Variants in GPHN observed in about 807,000 individuals in gnomAD.
The protein encoded by GPHN is gephyrin.
GPHN carries 17 observed loss-of-function variants against 95.5 expected under a neutral mutation model. The observed-to-expected ratio is 0.18, with a 90% CI of 0.12 to 0.27. GPHN has a LOEUF of 0.27. Ranked by LOEUF, GPHN falls within the 10% of genes least tolerant of loss-of-function variation. The pLI is 1.00. For missense variants in GPHN, 660 were observed against 978.1 expected (o/e 0.67, Z 4.34); for synonymous variants, 320 against 322.5 (o/e 0.99, Z 0.08).
intron 5 of GPHN, among the ~76,000 whole-genome samples, chr14:66,914,522 C>T (rs1183053766): frequency 6.6e-6 from 1 of 151,980 alleles, no homozygotes; most frequent in Non-Finnish European, 1.5e-5. Context: ...TTGTAGGTAA[C>T]TATATTTGTC....
intron 10 of GPHN, among the ~76,000 whole-genome samples, chr14:67,026,176 TGTG>T (rs1424532036): frequency 1.3e-5 from 2 of 152,162 alleles, no homozygotes; most frequent in South Asian, 4.1e-4. Flanking sequence ...ATCTGTAAAA[TGTG>T]GTAATAACTT....
At chr14:66,932,034 A>T (rs933751321) in intron 8 of GPHN, among the ~76,000 whole-genome samples, 5 of 152,146 alleles carry the variant, frequency 3.3e-5, no homozygotes, top group African/African-American at 1.2e-4. Flanking sequence ...AAATGTTGTG[A>T]TCTAAGTCTG....
the GPHN span, among the ~76,000 whole-genome samples, chr14:67,224,259 CTTTTTTTTT>C: frequency 4.3e-4 from 58 of 134,808 alleles, no homozygotes; most frequent in African/African-American, 1.2e-3. Flanking sequence ...TCTCTCTTTT[CTTTTTTTTT>C]TTTTTTTTGA....
At chr14:67,542,067 G>A in the GPHN span, 33 of 1,362,046 alleles carry the variant, frequency 2.4e-5, no homozygotes, top group Middle Eastern at 6.9e-4. Context: ...GTGAGAGAGG[G>A]AGAGTTGCGG....
Position 66,508,328 on chromosome 14 carries a change from G to T in GPHN, c.-200G>T. ...GCGCCCTGACTCCTTCCCCTCCCGC[G>T]GACCCGCGCACTCCCGGCGCGGCCT... On this transcript the variant is annotated 5_prime_UTR_variant, in exon 1 of 23. Coordinates refer to ENST00000478722, the MANE Select transcript of GPHN (RefSeq NM_020806.5). The T allele has an allele frequency of 1.6e-6, 1 of 608,850 alleles. No homozygotes were observed. The highest frequency in any genetic ancestry group is 2.8e-5 in the East Asian group (1 of 35,624). 37.7% of individuals were successfully genotyped at this position (608,850 alleles called of 1,614,324 possible). A position where few individuals can be genotyped will look rare whatever the true frequency, so the allele number is the denominator to read the frequency against.
chr14:67,596,676 T>C, the GPHN span, among the ~76,000 whole-genome samples: 1 of 152,154 alleles, frequency 6.6e-6, no homozygotes, highest in Non-Finnish European at 1.5e-5. Flanking sequence ...AGAATCTTGC[T>C]GAATCAGTTT....
chr14:67,636,933 G>C, the GPHN span, among the ~76,000 whole-genome samples: 1 of 152,198 alleles, frequency 6.6e-6, no homozygotes, highest in Non-Finnish European at 1.5e-5. Flanking sequence ...ACTTACAGAT[G>C]AATTGACCTG....
intron 1 of GPHN, among the ~76,000 whole-genome samples, chr14:66,591,586 T>C (rs2061651263): frequency 6.6e-6 from 1 of 152,144 alleles, no homozygotes; most frequent in African/African-American, 2.4e-5. Flanking sequence ...ACACTAAGAA[T>C]ACAACTTACA....
chr14:67,428,819 C>T, the GPHN span, among the ~76,000 whole-genome samples: 3 of 152,340 alleles, frequency 2.0e-5, no homozygotes, highest in East Asian at 1.9e-4. Context: ...GCTCTCCCCA[C>T]TGCTGCCCTG....
At chr14:67,001,630 C>A (rs1359287137) in intron 9 of GPHN, among the ~76,000 whole-genome samples, 3 of 151,608 alleles carry the variant, frequency 2.0e-5, no homozygotes, top group Non-Finnish European at 4.4e-5. Flanking sequence ...TGTTATTTCT[C>A]CTTTTGAATT....
the GPHN span, among the ~76,000 whole-genome samples, chr14:67,675,243 C>G: frequency 2.0e-5 from 3 of 152,276 alleles, no homozygotes; most frequent in African/African-American, 7.2e-5. Flanking sequence ...GCGAGTGGCT[C>G]GCGCCTGTAA....
chr14:66,754,741 A>G (rs114379868), intron 2 of GPHN, among the ~76,000 whole-genome samples: 8 of 152,148 alleles, frequency 5.3e-5, no homozygotes, highest in African/African-American at 1.9e-4. Flanking sequence ...CTCCATTAAA[A>G]CATTAAAATA....
the GPHN span, chr14:67,279,101 C>A: frequency 3.7e-6 from 5 of 1,344,732 alleles, no homozygotes; most frequent in Non-Finnish European, 4.9e-6. Context: ...TTTTATACTA[C>A]AGAATCAAGA....
chr14:66,841,012 TATA>T (rs1374158697), intron 4 of GPHN, among the ~76,000 whole-genome samples: 30 of 145,118 alleles, frequency 2.1e-4, no homozygotes, highest in African/African-American at 6.5e-4. Context: ...TAGATATAGA[TATA>T]GATATAGATA....
chr14:66,863,178 C>A, intron 4 of GPHN, among the ~76,000 whole-genome samples: 1 of 148,460 alleles, frequency 6.7e-6, no homozygotes, highest in South Asian at 2.1e-4. Flanking sequence ...TTCTATATGC[C>A]AACAGTGAAC....
the GPHN span, among the ~76,000 whole-genome samples, chr14:67,491,152 A>G: frequency 6.6e-6 from 1 of 152,286 alleles, no homozygotes; most frequent in African/African-American, 2.4e-5. Flanking sequence ...ATTTGCTAGG[A>G]TGGCTCACAG....
At chr14:67,116,591 C>A (rs902092947) in intron 16 of GPHN, among the ~76,000 whole-genome samples, 3 of 152,132 alleles carry the variant, frequency 2.0e-5, no homozygotes, top group Non-Finnish European at 2.9e-5. Context: ...CCATTTTGCC[C>A]AGACTGGCCT....
the GPHN span, chr14:67,569,176 GCT>G: frequency 4.3e-6 from 7 of 1,613,182 alleles, no homozygotes; most frequent in Non-Finnish European, 5.9e-6. Flanking sequence ...CGGGCATGCG[GCT>G]CTCAGATATG....
chr14:66,676,477 C>G (rs2066593077), intron 1 of GPHN, among the ~76,000 whole-genome samples: 2 of 151,936 alleles, frequency 1.3e-5, no homozygotes, highest in African/African-American at 4.8e-5. Context: ...TAGGTATAAT[C>G]TTTCTATACT....
Sources: gnomAD v4.1 joint callset for allele counts (sites outside exome capture counted in the v4.1 genomes callset) on GRCh38, gnomAD v4.1.1 for gene constraint, MANE v1.5 for transcripts, NCBI Gene and HGNC (gene_info 2026-07-23, HGNC 2026-07-21) for gene names.